Variants in SLC25A12 observed in about 807,000 individuals in gnomAD.
The protein encoded by SLC25A12 is electrogenic aspartate/glutamate antiporter SLC25A12, mitochondrial.
Under a neutral mutation model 83.3 loss-of-function variants are expected in SLC25A12, and 32 were observed. The ratio of observed to expected loss-of-function variants is 0.38; its 90% CI spans 0.29 to 0.52. The LOEUF (loss-of-function observed/expected upper bound fraction) is 0.52. Ranked by LOEUF, SLC25A12 falls within the 20% of genes least tolerant of loss-of-function variation. SLC25A12 has a pLI of 0.84. For missense variants in SLC25A12, 611 were observed against 835.6 expected (o/e 0.73, Z 3.31); for synonymous variants, 267 against 291.1 (o/e 0.92, Z 0.84).
chr2:171,854,210 C>T (rs570612131), intron 4 of SLC25A12, among the ~76,000 whole-genome samples: 42 of 152,244 alleles, frequency 2.8e-4, no homozygotes, highest in African/African-American at 9.6e-4. Flanking sequence ...CTTCAGGAGG[C>T]AAGATGGTCG....
rs1164804971 is a variant in SLC25A12 at position 171,868,679 on chromosome 2, A to G, written c.209+2T>C. The G allele has an allele frequency of 1.1e-5, 17 of 1,613,438 alleles. No individual in the cohort carries two copies. The highest frequency in any genetic ancestry group is 1.4e-5 in the Non-Finnish European group (17 of 1,179,508). ...TTTCAGAAAATGCATGAAGATACTT[A>G]CCCATCCTTGGTTTGATCAGCTACT... On this transcript the variant is annotated splice_donor_variant, in intron 3 of 17. Coordinates refer to ENST00000422440, the MANE Select transcript of SLC25A12 (RefSeq NM_003705.5). LOFTEE classifies it high-confidence loss of function.
intron 15 of SLC25A12, among the ~76,000 whole-genome samples, chr2:171,790,483 G>A (rs184585972): frequency 3.3e-5 from 5 of 152,212 alleles, no homozygotes; most frequent in African/African-American, 1.2e-4. Context: ...GTACCTCCCT[G>A]CTCTTACAAG....
intron 2 of SLC25A12, among the ~76,000 whole-genome samples, chr2:171,870,815 G>A (rs1214469922): frequency 6.6e-6 from 1 of 152,194 alleles, no homozygotes; most frequent in Non-Finnish European, 1.5e-5. Flanking sequence ...CAGGGAAGAA[G>A]AATCAGGGCA....
At chr2:171,804,824 C>T (rs1490356483) in intron 13 of SLC25A12, among the ~76,000 whole-genome samples, 2 of 152,186 alleles carry the variant, frequency 1.3e-5, no homozygotes, top group Non-Finnish European at 2.9e-5. Context: ...GGGAGGATTG[C>T]CTGAGCCGGC....
chr2:171,854,258 T>C (rs1465721636), intron 4 of SLC25A12, among the ~76,000 whole-genome samples: 1 of 152,156 alleles, frequency 6.6e-6, no homozygotes, highest in Non-Finnish European at 1.5e-5. Context: ...AAGATTTATA[T>C]GCAAAAATCT....
chr2:171,873,797 T>C (rs1262308834), intron 2 of SLC25A12, among the ~76,000 whole-genome samples: 1 of 152,206 alleles, frequency 6.6e-6, no homozygotes, highest in Non-Finnish European at 1.5e-5. Context: ...TTACCATTTC[T>C]TTTTATATAA....
chr2:171,837,976 C>G (rs1208044728), intron 5 of SLC25A12, among the ~76,000 whole-genome samples: 3 of 152,242 alleles, frequency 2.0e-5, no homozygotes, highest in Middle Eastern at 3.4e-3. Flanking sequence ...TAAGTGATAT[C>G]CACAAAAACA....
intron 2 of SLC25A12, among the ~76,000 whole-genome samples, chr2:171,873,941 C>A (rs1361678721): frequency 1.3e-5 from 2 of 151,944 alleles, no homozygotes; most frequent in African/African-American, 4.8e-5. Context: ...ATGCTCGAAT[C>A]CTGGCCAGGC....
At chr2:171,824,347 C>T (rs923343804) in intron 9 of SLC25A12, among the ~76,000 whole-genome samples, 63 of 152,142 alleles carry the variant, frequency 4.1e-4, no homozygotes, top group African/African-American at 1.5e-3. Flanking sequence ...GCAAAACAAG[C>T]TTCAGATATG....
intron 9 of SLC25A12, among the ~76,000 whole-genome samples, chr2:171,817,642 T>C (rs1684083029): frequency 6.7e-6 from 1 of 149,072 alleles, no homozygotes; most frequent in Non-Finnish European, 1.5e-5. Context: ...GAATGTTATT[T>C]CCCCCACTTA....
At chr2:171,865,568 G>C (rs1685271943) in intron 3 of SLC25A12, among the ~76,000 whole-genome samples, 1 of 151,986 alleles carries the variant, frequency 6.6e-6, no homozygotes, top group African/African-American at 2.4e-5. Flanking sequence ...GACTGAGGCA[G>C]GAGAATCACT....
At chr2:171,829,204 G>A (rs1336618555) in intron 8 of SLC25A12, among the ~76,000 whole-genome samples, 3 of 152,120 alleles carry the variant, frequency 2.0e-5, no homozygotes, top group East Asian at 3.9e-4. Context: ...AGACAGCCAG[G>A]AATAATGGGG....
At chr2:171,809,338 C>T (rs1683903992) in intron 13 of SLC25A12, 2 of 453,770 alleles carry the variant, frequency 4.4e-6, no homozygotes, top group Non-Finnish European at 8.1e-6. Context: ...AAAATGGTTC[C>T]TATTTCTCCA....
intron 5 of SLC25A12, among the ~76,000 whole-genome samples, chr2:171,837,571 A>G (rs1684585518): frequency 6.6e-6 from 1 of 152,172 alleles, no homozygotes; most frequent in Non-Finnish European, 1.5e-5. Context: ...ACAGAGAATA[A>G]TGTTTTTGGT....
chr2:171,821,017 C>CTTTTTTTTTTTTTTTT (rs869070730), intron 9 of SLC25A12, among the ~76,000 whole-genome samples: 1 of 48,592 alleles, frequency 2.1e-5, no homozygotes, highest in African/African-American at 8.0e-5. Context: ...TATAAACATT[C>CTTTTTTTTTTTTTTTT]TTTTTTTTTT....
At chr2:171,822,160 A>AC (rs1372225057) in intron 9 of SLC25A12, among the ~76,000 whole-genome samples, 2 of 152,172 alleles carry the variant, frequency 1.3e-5, no homozygotes, top group African/African-American at 4.8e-5. Context: ...ATCCCCTTCT[A>AC]CCTAATGGAA....
intron 13 of SLC25A12, among the ~76,000 whole-genome samples, chr2:171,801,934 T>C (rs1683716699): frequency 6.6e-6 from 1 of 151,354 alleles, no homozygotes; most frequent in Non-Finnish European, 1.5e-5. Context: ...TGTGTGTGTG[T>C]GTGTGTGTGT....
rs774109066 is a variant in SLC25A12 at position 171,834,882 on chromosome 2, C to T, written c.613-17G>A. The T allele has an allele frequency of 4.3e-6, 7 of 1,611,978 alleles. No individual in the cohort carries two copies. The Admixed American group carries it at 1.0e-4, about 23-fold the overall frequency. ...TCCAGCTGCCTAGAAAATGACAACA[C>T]AAAAAGTTTAAAAAACAAACAAAAA... On this transcript the variant is annotated splice_polypyrimidine_tract_variant and intron_variant, in intron 6 of 17. Coordinates refer to ENST00000422440, the MANE Select transcript of SLC25A12 (RefSeq NM_003705.5).
At chr2:171,841,711 A>AT (rs1171593031) in intron 5 of SLC25A12, among the ~76,000 whole-genome samples, 1 of 152,184 alleles carries the variant, frequency 6.6e-6, no homozygotes, top group Non-Finnish European at 1.5e-5. Flanking sequence ...TCTCAAAAAA[A>AT]TTTTATTCCA....
Sources: gnomAD v4.1 joint callset for allele counts (sites outside exome capture counted in the v4.1 genomes callset) on GRCh38, gnomAD v4.1.1 for gene constraint, MANE v1.5 for transcripts, NCBI Gene and HGNC (gene_info 2026-07-23, HGNC 2026-07-21) for gene names.